The following AOPEP variants were observed in gnomAD, a reference collection of about 807,000 sequenced individuals.
AOPEP encodes aminopeptidase O.
In AOPEP, 77 loss-of-function variants were observed where a neutral mutation model predicts 98.1. The observed-to-expected ratio is 0.78, with a 90% confidence interval of 0.65 to 0.95. The LOEUF (loss-of-function observed/expected upper bound fraction) is 0.95, where lower values mean the gene tolerates loss of function less well. Among genes scored for constraint, AOPEP ranks in the 40% least tolerant of loss-of-function variants. The probability of loss-of-function intolerance (pLI) is 0.00; values close to 1 mark genes in which losing one functional copy is unlikely to be tolerated. For synonymous variants in AOPEP, 346 were observed against 365.3 expected (o/e 0.95, Z 0.60); for missense variants, 1,024 against 1,024.7 (o/e 1.00, Z 0.01).
At chr9:95,098,977 C>T in the AOPEP span, 1 of 174,126 alleles carries the variant, frequency 5.7e-6, no homozygotes, top group African/African-American at 2.4e-5. Context: ...TTCCTGAGGC[C>T]CGAAGCTTCC....
At chr9:95,104,349 G>A in the AOPEP span, among the ~76,000 whole-genome samples, 2 of 152,218 alleles carry the variant, frequency 1.3e-5, no homozygotes, top group East Asian at 3.8e-4. Context: ...CAGTGCATGA[G>A]CGCCACACTG....
At position 94,941,273 on chromosome 9, in the gene AOPEP, G is replaced by A. The variant is rs551291196; in HGVS notation, c.1661+12742G>A. On this transcript the variant is annotated intron_variant, in intron 7 of 16. Coordinates refer to ENST00000375315, the MANE Select transcript of AOPEP (RefSeq NM_001193329.3). Reference sequence around the variant, plus strand: ...AAAAGTTCTTGCCTTTATGGCTTCCGAGAGTTCCTACCTGATCATTGGCCT... The same window carrying A: ...AAAAGTTCTTGCCTTTATGGCTTCCAAGAGTTCCTACCTGATCATTGGCCT... Among the ~76,000 whole-genome samples the A allele has an allele frequency of 9.2e-5, 14 of 152,272 alleles. No individual in the cohort carries two copies. In the East Asian group the frequency reaches 2.1e-3, roughly 23 times the overall value.
chr9:94,976,382 T>C (rs2059842094), intron 10 of AOPEP, among the ~76,000 whole-genome samples: 1 of 152,052 alleles, frequency 6.6e-6, no homozygotes, highest in African/African-American at 2.4e-5. Flanking sequence ...CCAAAGGAAA[T>C]TTATGTCCGT....
Position 94,979,378 on chromosome 9 carries a change from C to G in AOPEP, c.1928C>G (p.Ser643Cys). Reference sequence around the variant, plus strand: ...TTTTATTTCTAAAGGCTTGAGCTGTCTGTTGAAAACATCTACCAAGACTGG... The same window carrying G: ...TTTTATTTCTAAAGGCTTGAGCTGTGTGTTGAAAACATCTACCAAGACTGG... Reference protein sequence around the residue: ...NIPEEKRLELSVENIYQDWLE... With the variant: ...NIPEEKRLELCVENIYQDWLE... The change falls in exon 11 of 17, where the codon TCT becomes TGT. Residue 643 changes from serine to cysteine, a missense_variant. Transcript: ENST00000375315. 1 of 1,601,552 alleles carries G rather than the reference C, an allele frequency of 6.2e-7. No individual in the cohort carries two copies. The highest frequency in any genetic ancestry group is 8.5e-7 in the Non-Finnish European group (1 of 1,171,522).
chr9:94,778,440 A>C (rs1325103259), intron 3 of AOPEP, among the ~76,000 whole-genome samples: 1 of 138,660 alleles, frequency 7.2e-6, no homozygotes, highest in Non-Finnish European at 1.5e-5. Flanking sequence ...ACTACTGATA[A>C]ATCAAAAAAA....
At chr9:94,927,414 C>G (rs2054516663) in intron 6 of AOPEP, among the ~76,000 whole-genome samples, 1 of 152,230 alleles carries the variant, frequency 6.6e-6, no homozygotes, top group Non-Finnish European at 1.5e-5. Context: ...CTGCACCTTG[C>G]TCCCTCCCAG....
At chr9:94,772,542 C>T (rs1841123955) in intron 2 of AOPEP, among the ~76,000 whole-genome samples, 1 of 152,148 alleles carries the variant, frequency 6.6e-6, no homozygotes, top group Non-Finnish European at 1.5e-5. Flanking sequence ...GGGGTATCTG[C>T]CTGCCAGCCC....
chr9:95,139,508 A>T, the AOPEP span, among the ~76,000 whole-genome samples: 1 of 152,150 alleles, frequency 6.6e-6, no homozygotes, highest in Non-Finnish European at 1.5e-5. Flanking sequence ...TAAACACTGC[A>T]GTGTGCACCC....
intron 3 of AOPEP, among the ~76,000 whole-genome samples, chr9:94,792,199 A>G (rs1330326569): frequency 6.6e-6 from 1 of 152,246 alleles, no homozygotes; most frequent in Non-Finnish European, 1.5e-5. Context: ...AACAGGGACT[A>G]AGGGTAAGAC....
At chr9:94,812,238 T>C (rs1057416206) in intron 5 of AOPEP, among the ~76,000 whole-genome samples, 1 of 152,170 alleles carries the variant, frequency 6.6e-6, no homozygotes, top group Non-Finnish European at 1.5e-5. Flanking sequence ...ACTTCTCTAA[T>C]GGGTAACACC....
At chr9:94,992,626 G>A (rs554734456) in intron 11 of AOPEP, among the ~76,000 whole-genome samples, 122 of 152,324 alleles carry the variant, frequency 8.0e-4, no homozygotes, top group African/African-American at 2.6e-3. Context: ...TTAAATACCA[G>A]CTTTGGAGTC....
chr9:95,069,155 C>T (rs1714352945), intron 14 of AOPEP, among the ~76,000 whole-genome samples: 1 of 152,178 alleles, frequency 6.6e-6, no homozygotes, highest in Non-Finnish European at 1.5e-5. Flanking sequence ...TCCTCAATGC[C>T]CAATCGACTT....
At chr9:94,964,193 TGCCA>T (rs2059036447) in intron 9 of AOPEP, among the ~76,000 whole-genome samples, 1 of 152,212 alleles carries the variant, frequency 6.6e-6, no homozygotes, top group African/African-American at 2.4e-5. Context: ...CCCCTGGGCC[TGCCA>T]TCCCCAGCAT....
chr9:95,072,844 C>T (rs2068647503), intron 14 of AOPEP, among the ~76,000 whole-genome samples: 1 of 152,194 alleles, frequency 6.6e-6, no homozygotes, highest in Non-Finnish European at 1.5e-5. Context: ...CCCTTCTAGG[C>T]ATGTGCCATT....
At chr9:95,106,486 A>G in the AOPEP span, among the ~76,000 whole-genome samples, 1 of 152,088 alleles carries the variant, frequency 6.6e-6, no homozygotes, top group Non-Finnish European at 1.5e-5. Flanking sequence ...CAATTTATCT[A>G]TTGTTTTCTT....
In AOPEP at chr9:94,928,109, G is replaced by C. The variant is rs138087250; in HGVS notation, c.1555-316G>C. 1.7e-4 allele frequency among the ~76,000 whole-genome samples: 26 copies of C among 152,298 alleles called. No homozygotes were observed. In the East Asian group the frequency reaches 5.0e-3, roughly 29 times the overall value. ...AAGCAGGAAAAGAGGACAGATCAAAGTGGAAATGGTCCCAAGGGAAGCCCA... is the reference window on the plus strand; with the variant it reads ...AAGCAGGAAAAGAGGACAGATCAAACTGGAAATGGTCCCAAGGGAAGCCCA... On this transcript the variant is annotated intron_variant, in intron 6 of 16. Coordinates refer to ENST00000375315, the MANE Select transcript of AOPEP (RefSeq NM_001193329.3).
intron 13 of AOPEP, among the ~76,000 whole-genome samples, chr9:95,031,678 C>T (rs1411086059): frequency 6.6e-6 from 1 of 152,164 alleles, no homozygotes; most frequent in African/African-American, 2.4e-5. Flanking sequence ...CTCACCTGTG[C>T]ACCTTAAATC....
rs540040174 is a variant in AOPEP, at chr9:94,846,645, C to T, written c.1364+45643C>T. 1.0e-3 allele frequency among the ~76,000 whole-genome samples: 156 copies of T among 152,344 alleles called. 2 individuals are homozygous for T. The South Asian group carries it at 0.03, about 29-fold the overall frequency. On this transcript the variant is annotated intron_variant, in intron 5 of 16. Coordinates refer to ENST00000375315, the MANE Select transcript of AOPEP (RefSeq NM_001193329.3). The stretch of plus-strand genomic sequence containing the variant: ...AGCTGGCTGGGCATGGTGGCTCACG[C>T]CCGTAATCCTAGCACTTTCCAAGGC...
intron 9 of AOPEP, among the ~76,000 whole-genome samples, chr9:94,964,198 TCCCCAGC>T (rs2059037522): frequency 6.6e-6 from 1 of 152,196 alleles, no homozygotes; most frequent in African/African-American, 2.4e-5. Flanking sequence ...GGGCCTGCCA[TCCCCAGC>T]ATCGCTGGCA....
Sources: allele counts gnomAD v4.1 joint callset (sites outside exome capture counted in the v4.1 genomes callset), GRCh38; gene constraint gnomAD v4.1.1; transcripts MANE v1.5; gene names NCBI Gene and HGNC (gene_info 2026-07-23, HGNC 2026-07-21).